Variants in TMEM132E observed in about 807,000 individuals in gnomAD.
The protein encoded by TMEM132E is transmembrane protein 132E.
Under a neutral mutation model 78.5 loss-of-function variants are expected in TMEM132E, and 49 were observed. The observed-to-expected ratio is 0.62, with a 90% confidence interval of 0.50 to 0.79. TMEM132E has a LOEUF of 0.79. TMEM132E is among the 30% of genes least tolerant of loss of function. The probability of loss-of-function intolerance (pLI) is 0.00; values close to 1 mark genes in which losing one functional copy is unlikely to be tolerated. For missense variants in TMEM132E, 1,403 were observed against 1,470.9 expected, an observed-to-expected ratio of 0.95 and a Z score of 0.75; for synonymous variants, 715 against 670.6, an observed-to-expected ratio of 1.07 and a Z score of -1.02.
chr17:34,629,243 C>G, intron 4 of TMEM132E, 39 bp downstream of exon 4: 1 of 1,600,246 alleles, frequency 6.2e-7, no homozygotes, highest in South Asian at 1.1e-5. Context: ...ATGCCTGGGT[C>G]TATGCATGTG....
chr17:34,584,332 G>T (rs145941821), intron 1 of TMEM132E, among the ~76,000 whole-genome samples: 1 of 152,152 alleles, frequency 6.6e-6, no homozygotes, highest in African/African-American at 2.4e-5. Context: ...CCTTCAAAGC[G>T]GAGTTCAAAT....
chr17:34,588,964 G>T (rs942677988), intron 1 of TMEM132E, among the ~76,000 whole-genome samples: 3 of 152,198 alleles, frequency 2.0e-5, no homozygotes, highest in African/African-American at 7.2e-5. Flanking sequence ...ATGTTGGCCA[G>T]GCTGGTCTCG....
chr17:34,590,647 A>G (rs1354494861), intron 1 of TMEM132E, among the ~76,000 whole-genome samples: 1 of 152,206 alleles, frequency 6.6e-6, no homozygotes, highest in African/African-American at 2.4e-5. Context: ...GAACTCTCAG[A>G]GTCTTGGTGG....
At chr17:34,609,380 C>T (rs761284143) in intron 1 of TMEM132E, among the ~76,000 whole-genome samples, 14 of 152,166 alleles carry the variant, frequency 9.2e-5, no homozygotes, top group Non-Finnish European at 1.9e-4. Context: ...ATGAGGTCAT[C>T]AGGTGAGGGG....
chr17:34,590,429 CA>C (rs1905832322), intron 1 of TMEM132E, among the ~76,000 whole-genome samples: 1 of 152,190 alleles, frequency 6.6e-6, no homozygotes, highest in South Asian at 2.1e-4. Context: ...TGACATGTTG[CA>C]AAGGATACAG....
chr17:34,580,704 A>G lies in TMEM132E; in HGVS notation c.-373A>G. The G allele has an allele frequency of 4.7e-6, 1 of 214,980 alleles. No individual in the cohort carries two copies. Among genetic ancestry groups the G allele is most frequent in the Non-Finnish European group, 9.2e-6 (1 of 108,944 alleles). The allele number at this position is 214,980 out of a possible 1,614,324, so 13.3% of individuals were successfully genotyped here. On this transcript the variant is annotated 5_prime_UTR_variant, in exon 1 of 9. Transcript: ENST00000631683. Reference sequence around the variant, plus strand: ...GCACCCTCGAGTGAGTTCGGATTCGAGCTGGGCCGTGAGGCCGGGAGATTC... The same window carrying G: ...GCACCCTCGAGTGAGTTCGGATTCGGGCTGGGCCGTGAGGCCGGGAGATTC...
rs200663611 is a variant in TMEM132E, at chr17:34,629,121, G to A, written c.1255G>A (p.Gly419Ser). The stretch of plus-strand genomic sequence containing the variant: ...GTGGCACATTGACTACCGTGGCCAC[G>A]GCGCCCTGCCTGACCTGGAGCGGGC... ...IMWHIDYRGHGALPDLERAVT... is the reference protein window; with the variant it reads ...IMWHIDYRGHSALPDLERAVT... The change falls in exon 4 of 9, where the codon GGC becomes AGC. Residue 419 changes from glycine (G) to serine (S), a missense_variant. This residue lies in a region of TMEM132E where 888 missense variants were observed against 952.8 expected (regional missense o/e 0.93). Coordinates refer to ENST00000631683, the MANE Select transcript of TMEM132E (RefSeq NM_001304438.2). The A allele has an allele frequency of 3.2e-5, 51 of 1,613,596 alleles. No individual in the cohort carries two copies. In the East Asian group the frequency reaches 3.6e-4, roughly 11 times the overall value.
Position 34,630,116 on chromosome 17 carries a change from G to C in TMEM132E, c.1447G>C (p.Val483Leu). 1.2e-6 allele frequency: 2 copies of C among 1,613,402 alleles called. No homozygotes were observed. The highest frequency in any genetic ancestry group is 2.7e-5 in the African/African-American group (2 of 75,020). The change falls in exon 5 of 9, where the codon GTG becomes CTG. Residue 483 changes from valine (V) to leucine (L), a missense_variant. This residue lies in a region of TMEM132E where 888 missense variants were observed against 952.8 expected (regional missense o/e 0.93). Coordinates refer to ENST00000631683, the MANE Select transcript of TMEM132E (RefSeq NM_001304438.2). Reference sequence around the variant, plus strand: ...CCTCGTCCTGGACATCTCCGCCCTAGTGGAATGCGAGTCTGACAATGAAGA... The same window carrying C: ...CCTCGTCCTGGACATCTCCGCCCTACTGGAATGCGAGTCTGACAATGAAGA... ...NGLVLDISAL[V>L]ECESDNEDII...
rs572607197 is a variant in TMEM132E, at chr17:34,596,318, T to C, written c.67+15175T>C. On this transcript the variant is annotated intron_variant, in intron 1 of 8. Transcript: ENST00000631683. ...TCATCCATGAAATTGGCAATCATGATTCCCATTATGTGGATGCGGAAACTG... is the reference window on the plus strand; with the variant it reads ...TCATCCATGAAATTGGCAATCATGACTCCCATTATGTGGATGCGGAAACTG... Among the ~76,000 whole-genome samples, 3 of 152,292 alleles carry C rather than the reference T, an allele frequency of 2.0e-5. No homozygotes were observed. The South Asian group carries it at 6.2e-4, about 32-fold the overall frequency.
chr17:34,638,691 A>C lies in TMEM132E; in HGVS notation c.*459A>C. The C allele has an allele frequency of 1.3e-5, 2 of 156,980 alleles. No homozygotes were observed. Among genetic ancestry groups the C allele is most frequent in the Non-Finnish European group, 2.8e-5 (2 of 71,224 alleles). The allele number at this position is 156,980 out of a possible 1,614,324, so 9.7% of individuals were successfully genotyped here. On this transcript the variant is annotated 3_prime_UTR_variant, in exon 9 of 9. Transcript: ENST00000631683. The stretch of plus-strand genomic sequence containing the variant: ...GCACAAAGACTTTCCTCAAACTAAT[A>C]TTCAGGGATTTCTGTCCTGCAGGGT...
Position 34,637,840 on chromosome 17 carries a change from C to T in TMEM132E, c.2833C>T (p.Arg945Trp). 1.9e-6 allele frequency: 3 copies of T among 1,610,332 alleles called. No individual in the cohort carries two copies. The highest frequency in any genetic ancestry group is 2.5e-6 in the Non-Finnish European group (3 of 1,178,640). ...WVFLGNGQPLRVQGELSPPAG... is the reference protein window; with the variant it reads ...WVFLGNGQPLWVQGELSPPAG... ...GTTCCTGGGCAACGGGCAGCCGCTGCGGGTGCAAGGAGAGCTGTCGCCGCC... is the reference window on the plus strand; with the variant it reads ...GTTCCTGGGCAACGGGCAGCCGCTGTGGGTGCAAGGAGAGCTGTCGCCGCC... Residue 945 changes from arginine (R) to tryptophan (W), a missense_variant, in exon 9 of 9, where the codon CGG (arginine) becomes TGG (tryptophan). This residue lies in a region of TMEM132E where 888 missense variants were observed against 952.8 expected (regional missense o/e 0.93). Coordinates refer to ENST00000631683, the MANE Select transcript of TMEM132E (RefSeq NM_001304438.2).
chr17:34,600,426 A>AGTGTGTGTGTGT lies in TMEM132E; in HGVS notation c.67+19309_67+19320dup, dbSNP rs3220449. 5.1e-3 allele frequency among the ~76,000 whole-genome samples: 738 copies of AGTGTGTGTGTGT among 144,026 alleles called. 7 individuals are homozygous for AGTGTGTGTGTGT. Among genetic ancestry groups the AGTGTGTGTGTGT allele is most frequent in the South Asian group, 0.012 (50 of 4,280 alleles). 94.5% of individuals were successfully genotyped at this position (144,026 alleles called of 152,430 possible). ...CGTTTGTTAAGTTTGAGCGTATATG[A>AGTGTGTGTGTGT]GTGTGTGTGTGTGTGTGTGTGTGTG... On this transcript the variant is annotated intron_variant, in intron 1 of 8. Transcript: ENST00000631683.
intron 1 of TMEM132E, among the ~76,000 whole-genome samples, chr17:34,622,849 A>G (rs1218333197): frequency 1.3e-5 from 2 of 152,324 alleles, no homozygotes; most frequent in East Asian, 3.9e-4. Flanking sequence ...TGCATATAAT[A>G]TAGAGGTAAG....
intron 6 of TMEM132E, among the ~76,000 whole-genome samples, chr17:34,634,587 A>G (rs1411623901): frequency 6.6e-6 from 1 of 152,204 alleles, no homozygotes; most frequent in Non-Finnish European, 1.5e-5. Context: ...GAGGGACAGG[A>G]GGTAGGGTCA....
At chr17:34,612,867 G>C (rs550731170) in intron 1 of TMEM132E, among the ~76,000 whole-genome samples, 83 of 152,198 alleles carry the variant, frequency 5.5e-4, no homozygotes, top group Admixed American at 2.4e-3. Flanking sequence ...CCGTCACTGG[G>C]GGGGGCAGTG....
At position 34,636,037 on chromosome 17, in the gene TMEM132E, G is replaced by A. The variant is rs370856382; in HGVS notation, c.2008G>A (p.Gly670Arg). ...VVSPLTEAVL[G>R]ETLLTVTEEK... Reference sequence around the variant, plus strand: ...GTCTCCGCTGACGGAGGCTGTGCTCGGGGAGACGCTGCTGACGGTGACTGA... The same window carrying A: ...GTCTCCGCTGACGGAGGCTGTGCTCAGGGAGACGCTGCTGACGGTGACTGA... The change falls in exon 8 of 9, where the codon GGG becomes AGG. Residue 670 changes from glycine to arginine, a missense_variant. Gly to Arg is a moderately radical substitution (Grantham distance 125, BLOSUM62 -2). Transcript: ENST00000631683. 1.9e-6 allele frequency: 3 copies of A among 1,543,686 alleles called. No individual in the cohort carries two copies. Among genetic ancestry groups the A allele is most frequent in the Non-Finnish European group, 2.6e-6 (3 of 1,148,244 alleles).
chr17:34,589,558 C>G (rs1175098439), intron 1 of TMEM132E, among the ~76,000 whole-genome samples: 2 of 152,218 alleles, frequency 1.3e-5, no homozygotes, highest in African/African-American at 4.8e-5. Context: ...TGATCTTACA[C>G]CACTCTGATT....
In TMEM132E at chr17:34,626,145, C is replaced by G; in HGVS notation, c.86C>G (p.Pro29Arg). ...TCCCCAGCCTCTGGCCGCTCCCACC[C>G]GGCCAGCCCCAGCCCGCCGGGGCCG... ...LLAHASGRSHPASPSPPGPQA... is the reference protein window; with the variant it reads ...LLAHASGRSHRASPSPPGPQA... Residue 29 changes from proline to arginine, a missense_variant, in exon 2 of 9, where the codon CCG (proline) becomes CGG (arginine). This residue lies in a region of TMEM132E where 511 missense variants were observed against 499.0 expected (regional missense o/e 1.02). Transcript: ENST00000631683. 1 of 1,530,892 alleles carries G rather than the reference C, an allele frequency of 6.5e-7. No individual in the cohort carries two copies. Among genetic ancestry groups the G allele is most frequent in the Non-Finnish European group, 8.8e-7 (1 of 1,142,732 alleles). The allele number at this position is 1,530,892 out of a possible 1,614,324, so 94.8% of individuals were successfully genotyped here. A position where few individuals can be genotyped will look rare whatever the true frequency, so the allele number is the denominator to read the frequency against.
At chr17:34,588,424 T>C (rs958044046) in intron 1 of TMEM132E, among the ~76,000 whole-genome samples, 1 of 152,210 alleles carries the variant, frequency 6.6e-6, no homozygotes, top group African/African-American at 2.4e-5. Context: ...AGGTGATGTC[T>C]GGAATAAACT....
Sources: allele counts gnomAD v4.1 joint callset (sites outside exome capture counted in the v4.1 genomes callset), GRCh38; gene constraint gnomAD v4.1.1; regional missense constraint gnomAD v4.1.1; transcripts MANE v1.5; gene names NCBI Gene and HGNC (gene_info 2026-07-23, HGNC 2026-07-21).